The following PIK3R4 variants were observed in gnomAD, a reference collection of about 807,000 sequenced individuals.
PIK3R4 encodes phosphoinositide 3-kinase regulatory subunit 4.
In PIK3R4, 46 loss-of-function variants were observed where a neutral mutation model predicts 136.5. That is an observed-to-expected ratio of 0.34 (90% CI 0.27 to 0.43). PIK3R4 has a LOEUF of 0.43. PIK3R4 is among the 20% of genes least tolerant of loss of function. The pLI, the probability that PIK3R4 is intolerant of heterozygous loss-of-function variation, is 1.00. For missense variants in PIK3R4, 1,331 were observed against 1,649.5 expected (o/e 0.81, Z 3.35); for synonymous variants, 557 against 566.7 (o/e 0.98, Z 0.24).
At chr3:130,707,211 G>T in intron 10 of PIK3R4, 76 bp from the exon 11 acceptor site, 1 of 998,464 alleles carries the variant, frequency 1.0e-6, no homozygotes, top group Non-Finnish European at 1.5e-6. Context: ...GCCTTTGGAG[G>T]GGACAGTAGA....
At position 130,704,438 on chromosome 3, in the gene PIK3R4, A is replaced by C. The variant is rs147083379; in HGVS notation, c.2933-550T>G. ...TATGCAACTAATGATGCCACTTGCC[A>C]CTTAATTATACTTTCTAAATCTTTA... On this transcript the variant is annotated intron_variant, in intron 12 of 19. Transcript: ENST00000356763. 7.0e-4 allele frequency among the ~76,000 whole-genome samples: 106 copies of C among 152,294 alleles called. 1 individual carries two copies. In the East Asian group the frequency reaches 0.019, roughly 27 times the overall value.
At chr3:130,745,799 G>C (rs550535874) in intron 1 of PIK3R4, among the ~76,000 whole-genome samples, 1 of 152,216 alleles carries the variant, frequency 6.6e-6, no homozygotes, top group East Asian at 1.9e-4. Flanking sequence ...CGAGGCGGGA[G>C]GATCACGAGG....
At chr3:130,722,109 T>C (rs1267710661) in intron 7 of PIK3R4, among the ~76,000 whole-genome samples, 2 of 152,208 alleles carry the variant, frequency 1.3e-5, no homozygotes, top group African/African-American at 4.8e-5. Flanking sequence ...GTATATAGTC[T>C]ATCATTTGTT....
chr3:130,684,374 G>A lies in PIK3R4; in HGVS notation c.3483C>T (p.Ser1161=). The A allele has an allele frequency of 6.2e-7, 1 of 1,612,896 alleles. No homozygotes were observed. Among genetic ancestry groups the A allele is most frequent in the Non-Finnish European group, 8.5e-7 (1 of 1,179,130 alleles). The change falls in exon 16 of 20, where the codon AGC becomes AGT. Residue 1161 remains serine (S), a synonymous_variant. Coordinates refer to ENST00000356763, the MANE Select transcript of PIK3R4 (RefSeq NM_014602.3). ...IHQCWLCIGT[S]SGTMACWDMR... ...TGTCCCAACAAGCCATGGTACCACT[G>A]CTTGTACCTTAAAGAAAAAAGGAAA...
At chr3:130,737,533 G>A (rs944080004) in intron 2 of PIK3R4, among the ~76,000 whole-genome samples, 3 of 152,056 alleles carry the variant, frequency 2.0e-5, no homozygotes, top group Non-Finnish European at 4.4e-5. Flanking sequence ...GGTGGTGCAC[G>A]TTTGTAATTC....
chr3:130,724,029 CTAGG>C (rs2066718258), intron 6 of PIK3R4: 1 of 152,298 alleles, frequency 6.6e-6, no homozygotes, highest in Non-Finnish European at 1.5e-5. Context: ...GCAACCCTTT[CTAGG>C]AAAGTTTCAA....
intron 6 of PIK3R4, among the ~76,000 whole-genome samples, chr3:130,727,474 C>T (rs983822228): frequency 2.6e-5 from 4 of 152,218 alleles, no homozygotes; most frequent in Admixed American, 6.5e-5. Context: ...CCGCCCGCCT[C>T]GGCCTCCCAA....
chr3:130,692,423 C>T (rs796284889), intron 13 of PIK3R4, among the ~76,000 whole-genome samples: 34 of 152,274 alleles, frequency 2.2e-4, no homozygotes, highest in African/African-American at 8.2e-4. Flanking sequence ...CTATGAATTT[C>T]CCTGTTCTGG....
intron 9 of PIK3R4, among the ~76,000 whole-genome samples, chr3:130,709,697 T>C (rs181793470): frequency 2.6e-5 from 4 of 152,214 alleles, no homozygotes. Context: ...GGGCTATAAA[T>C]AGTAATGAAA....
intron 6 of PIK3R4, among the ~76,000 whole-genome samples, chr3:130,725,288 T>C (rs2066725329): frequency 1.3e-5 from 2 of 151,438 alleles, no homozygotes; most frequent in Admixed American, 6.6e-5. Context: ...TGGAACAGAC[T>C]AGATAGCCAG....
chr3:130,706,379 C>T (rs2066606281), intron 11 of PIK3R4, among the ~76,000 whole-genome samples: 1 of 152,164 alleles, frequency 6.6e-6, no homozygotes, highest in South Asian at 2.1e-4. Flanking sequence ...TGTTGAATAT[C>T]TCATGTAACT....
intron 14 of PIK3R4, among the ~76,000 whole-genome samples, chr3:130,687,298 C>A (rs527772958): frequency 2.0e-5 from 3 of 152,126 alleles, no homozygotes; most frequent in Admixed American, 6.5e-5. Flanking sequence ...TATTAGCATT[C>A]GAAAACTTAC....
intron 9 of PIK3R4, among the ~76,000 whole-genome samples, chr3:130,709,746 A>G (rs2066624619): frequency 6.6e-6 from 1 of 152,186 alleles, no homozygotes; most frequent in Non-Finnish European, 1.5e-5. Context: ...CCTTAAAAAC[A>G]TTAAGATCAG....
rs773216329 is a variant in PIK3R4, at chr3:130,690,500, G to A, written c.3253C>T (p.Leu1085=). 1.4e-5 allele frequency: 23 copies of A among 1,611,190 alleles called. No individual in the cohort carries two copies. The highest frequency in any genetic ancestry group is 1.7e-4 in the Middle Eastern group (1 of 6,058). The change falls in exon 14 of 20, where the codon CTA becomes TTA. Residue 1085 remains leucine (L), a synonymous_variant. Transcript: ENST00000356763. ...KLPKSPKIHP[L]QSRILDQKED... The stretch of plus-strand genomic sequence containing the variant: ...CAAAAGATAAGATACCTGCTTTGTA[G>A]AGGATGGATTTTAGGAGACTTGGGC...
At chr3:130,708,255 A>G in intron 10 of PIK3R4, 36 bp downstream of exon 10, 6 of 1,520,034 alleles carry the variant, frequency 3.9e-6, no homozygotes, top group Non-Finnish European at 5.4e-6. Flanking sequence ...ATAACTAACA[A>G]CAACAAGCTA....
At chr3:130,702,592 G>A (rs1057002152) in intron 13 of PIK3R4, among the ~76,000 whole-genome samples, 2 of 152,180 alleles carry the variant, frequency 1.3e-5, no homozygotes, top group African/African-American at 4.8e-5. Flanking sequence ...TGTTTACACA[G>A]ATGAGATTCA....
At chr3:130,683,513 C>G (rs923007009) in intron 16 of PIK3R4, among the ~76,000 whole-genome samples, 1 of 152,080 alleles carries the variant, frequency 6.6e-6, no homozygotes, top group Non-Finnish European at 1.5e-5. Flanking sequence ...CAGAAATCAA[C>G]TGATCAAATG....
At chr3:130,734,203 G>C (rs1248514207) in intron 3 of PIK3R4, 73 bp from the exon 4 acceptor site, 1 of 1,204,556 alleles carries the variant, frequency 8.3e-7, no homozygotes, top group African/African-American at 1.5e-5. Context: ...AGCTACAAAG[G>C]CAATTTACAT....
chr3:130,705,129 C>A (rs769388870), intron 12 of PIK3R4, among the ~76,000 whole-genome samples: 1 of 152,110 alleles, frequency 6.6e-6, no homozygotes, highest in Non-Finnish European at 1.5e-5. Flanking sequence ...CCACAACCAG[C>A]CTGTTTTCTT....
Sources: gnomAD v4.1 joint callset for allele counts (sites outside exome capture counted in the v4.1 genomes callset) on GRCh38, gnomAD v4.1.1 for gene constraint, MANE v1.5 for transcripts, NCBI Gene and HGNC (gene_info 2026-07-23, HGNC 2026-07-21) for gene names.